Variants in RIPOR2 observed in about 807,000 individuals in gnomAD.
RIPOR2 encodes the protein rho family-interacting cell polarization regulator 2.
A neutral mutation model predicts 114.5 loss-of-function variants in RIPOR2; 39 were observed. The ratio of observed to expected loss-of-function variants is 0.34; its 90% CI spans 0.26 to 0.44. The LOEUF (loss-of-function observed/expected upper bound fraction) is 0.44. RIPOR2 is among the 20% of genes least tolerant of loss of function. RIPOR2 has a pLI of 1.00. For missense variants in RIPOR2, 1,007 were observed against 1,255.1 expected (o/e 0.80, Z 2.99); for synonymous variants, 445 against 484.4 (o/e 0.92, Z 1.07).
intron 17 of RIPOR2, among the ~76,000 whole-genome samples, chr6:24,829,629 T>C (rs1439656388): frequency 1.3e-5 from 2 of 152,144 alleles, no homozygotes; most frequent in East Asian, 3.9e-4. Flanking sequence ...TTGTCTGTAT[T>C]TTGTTTTTAA....
chr6:24,880,887 A>G (rs181700286), intron 1 of RIPOR2, among the ~76,000 whole-genome samples: 133 of 152,292 alleles, frequency 8.7e-4, no homozygotes, highest in African/African-American at 3.0e-3. Flanking sequence ...TATACCCGAT[A>G]TATACTCTAG....
chr6:24,844,452 C>T (rs1762052837), intron 12 of RIPOR2, among the ~76,000 whole-genome samples: 1 of 152,062 alleles, frequency 6.6e-6, no homozygotes, highest in African/African-American at 2.4e-5. Context: ...GAGATTAACC[C>T]CTTCAAAATG....
At chr6:24,868,219 A>G (rs1466961103) in intron 6 of RIPOR2, among the ~76,000 whole-genome samples, 2 of 152,208 alleles carry the variant, frequency 1.3e-5, no homozygotes, top group African/African-American at 4.8e-5. Context: ...TCTTAGGATC[A>G]TGTAGATCAA....
At chr6:24,915,597 T>C (rs1223153755) in intron 1 of RIPOR2, among the ~76,000 whole-genome samples, 1 of 152,204 alleles carries the variant, frequency 6.6e-6, no homozygotes, top group Non-Finnish European at 1.5e-5. Flanking sequence ...ACTCCTGACC[T>C]CGTGATCCAC....
intron 1 of RIPOR2, among the ~76,000 whole-genome samples, chr6:24,895,433 T>A (rs1165863095): frequency 1.6e-5 from 2 of 128,616 alleles, no homozygotes; most frequent in African/African-American, 7.5e-5. Context: ...TGGGCATACG[T>A]ACTTTAAAAA....
intron 14 of RIPOR2, among the ~76,000 whole-genome samples, chr6:24,836,888 G>A (rs76901939): frequency 0.025 from 3,832 of 151,930 alleles, 161 homozygotes; most frequent in African/African-American, 0.084. Context: ...CATATAATAA[G>A]ATTGATCAAA....
At position 25,037,287 on chromosome 6, in the gene RIPOR2, G is replaced by A. The variant is rs1017710042; in HGVS notation, c.76+4564C>T. Among the ~76,000 whole-genome samples, 1 of 152,116 alleles carries A rather than the reference G, an allele frequency of 6.6e-6. No homozygotes were observed. The highest frequency in any genetic ancestry group is 1.5e-5 in the Non-Finnish European group (1 of 68,020). Reference sequence around the variant, plus strand: ...TTGTCAAAGCTTATATACTTTTCAGGGTTTCTTTCCTTTAATCGCCCACCC... The same window carrying A: ...TTGTCAAAGCTTATATACTTTTCAGAGTTTCTTTCCTTTAATCGCCCACCC... On this transcript the variant is annotated intron_variant, in intron 1 of 13. Transcript: ENST00000510784. The surrounding 1 kb of genome is among the most constrained non-coding windows in gnomAD (Gnocchi z 4.5).
chr6:24,901,453 T>A (rs1187309347), intron 1 of RIPOR2, among the ~76,000 whole-genome samples: 2 of 152,018 alleles, frequency 1.3e-5, no homozygotes, highest in African/African-American at 2.4e-5. Context: ...AAAGAAAAAA[T>A]GACCCTTAAA....
chr6:25,022,796 A>G (rs979123285), intron 1 of RIPOR2, among the ~76,000 whole-genome samples: 1 of 151,564 alleles, frequency 6.6e-6, no homozygotes, highest in African/African-American at 2.4e-5. Context: ...TCCTCTCCCC[A>G]CCATCTCCCA....
At chr6:24,905,724 CTG>C (rs1768915235) in intron 1 of RIPOR2, among the ~76,000 whole-genome samples, 1 of 152,230 alleles carries the variant, frequency 6.6e-6, no homozygotes, top group Non-Finnish European at 1.5e-5. Flanking sequence ...CTCCAGGAAA[CTG>C]TCACTTTGAA....
intron 19 of RIPOR2, among the ~76,000 whole-genome samples, chr6:24,824,884 G>T (rs985820433): frequency 6.6e-6 from 1 of 152,078 alleles, no homozygotes; most frequent in Non-Finnish European, 1.5e-5. Context: ...TAATGAAGTA[G>T]ATCAATATGT....
At chr6:24,891,588 C>G (rs746746247) in intron 1 of RIPOR2, among the ~76,000 whole-genome samples, 2 of 151,838 alleles carry the variant, frequency 1.3e-5, no homozygotes, top group Non-Finnish European at 2.9e-5. Context: ...CTTATGTATC[C>G]GAGACTGGAT....
intron 1 of RIPOR2, among the ~76,000 whole-genome samples, chr6:24,902,415 C>G (rs914271523): frequency 1.3e-5 from 2 of 152,072 alleles, no homozygotes; most frequent in African/African-American, 4.8e-5. Context: ...TGGAGTTTTA[C>G]CATGTTGTCC....
chr6:24,897,199 T>C (rs1331487137), intron 1 of RIPOR2, among the ~76,000 whole-genome samples: 1 of 152,232 alleles, frequency 6.6e-6, no homozygotes, highest in Non-Finnish European at 1.5e-5. Flanking sequence ...GAATGTGAAC[T>C]AGGCAATGTC....
intron 14 of RIPOR2, among the ~76,000 whole-genome samples, chr6:24,837,559 A>AC (rs1306043558): frequency 6.6e-6 from 1 of 152,120 alleles, no homozygotes; most frequent in Non-Finnish European, 1.5e-5. Context: ...ACAGGTGTGC[A>AC]CCACCACACC....
At chr6:24,925,202 T>G (rs935808097) in intron 1 of RIPOR2, among the ~76,000 whole-genome samples, 1 of 152,252 alleles carries the variant, frequency 6.6e-6, no homozygotes, top group Non-Finnish European at 1.5e-5. Flanking sequence ...ACTGACTCAC[T>G]GTGTGCAGTT....
chr6:24,941,092 A>G (rs1420531454), intron 1 of RIPOR2, among the ~76,000 whole-genome samples: 4 of 152,110 alleles, frequency 2.6e-5, no homozygotes, highest in African/African-American at 7.2e-5. Flanking sequence ...TGCCTCCCCC[A>G]GTTTCAGGCG....
chr6:24,806,483 G>A lies in RIPOR2; in HGVS notation c.3044-10C>T. 2 of 1,531,804 alleles carry A rather than the reference G, an allele frequency of 1.3e-6. No homozygotes were observed. Among genetic ancestry groups the A allele is most frequent in the Middle Eastern group, 1.7e-4 (1 of 5,950 alleles). The allele number at this position is 1,531,804 out of a possible 1,614,324, so 94.9% of individuals were successfully genotyped here. A position where few individuals can be genotyped will look rare whatever the true frequency, so the allele number is the denominator to read the frequency against. ...AGCCGCCCATCTTCTCCTAAATACAGAACATTAAACATGAATACCAATTCA... is the reference window on the plus strand; with the variant it reads ...AGCCGCCCATCTTCTCCTAAATACAAAACATTAAACATGAATACCAATTCA... On this transcript the variant is annotated splice_polypyrimidine_tract_variant and intron_variant, in intron 21 of 21. Coordinates refer to ENST00000643898, the MANE Select transcript of RIPOR2 (RefSeq NM_001286445.3).
chr6:24,843,531 A>C lies in RIPOR2; in HGVS notation c.1188T>G (p.Phe396Leu). 1 of 1,526,644 alleles carries C rather than the reference A, an allele frequency of 6.6e-7. No individual in the cohort carries two copies. Among genetic ancestry groups the C allele is most frequent in the Non-Finnish European group, 8.8e-7 (1 of 1,136,508 alleles). The allele number at this position is 1,526,644 out of a possible 1,614,324, so 94.6% of individuals were successfully genotyped here. ...SFFSNLPDDIFENGKAAEEKM... is the reference protein window; with the variant it reads ...SFFSNLPDDILENGKAAEEKM... ...TCTCCTCGGCTGCCTTTCCATTTTC[A>C]AAGATGTCATCAGGTAGATTTGACT... is the stretch of plus-strand genomic sequence containing the variant. Residue 396 changes from phenylalanine (F) to leucine (L), a missense_variant, in exon 13 of 22, where the codon TTT (phenylalanine) becomes TTG (leucine). Physicochemically the swap from Phe to Leu is conservative, Grantham distance 22. Transcript: ENST00000643898.
Sources: allele counts gnomAD v4.1 joint callset (sites outside exome capture counted in the v4.1 genomes callset), GRCh38; gene constraint gnomAD v4.1.1; non-coding constraint Gnocchi (gnomAD v3.1); transcripts MANE v1.5; gene names NCBI Gene and HGNC (gene_info 2026-07-23, HGNC 2026-07-21).